The following CACTIN variants were observed in gnomAD, a reference collection of about 807,000 sequenced individuals.
CACTIN encodes the protein cactin, spliceosome C complex subunit, also known as splicing factor Cactin.
CACTIN carries 20 observed loss-of-function variants against 84.9 expected under a neutral mutation model. That is an observed-to-expected ratio of 0.24 (90% CI 0.17 to 0.34). CACTIN has a LOEUF of 0.34. Ranked by LOEUF, CACTIN falls within the 10% of genes least tolerant of loss-of-function variation. The pLI, the probability that CACTIN is intolerant of heterozygous loss-of-function variation, is 1.00. For missense variants in CACTIN, 897 were observed against 1,117.2 expected, an observed-to-expected ratio of 0.80 and a Z score of 2.81; for synonymous variants, 549 against 467.9, an observed-to-expected ratio of 1.17 and a Z score of -2.24.
chr19:3,624,616 A>C (rs953300540), intron 1 of CACTIN, among the ~76,000 whole-genome samples: 1 of 151,548 alleles, frequency 6.6e-6, no homozygotes, highest in Non-Finnish European at 1.5e-5. Flanking sequence ...GCTGAGACAG[A>C]GTGTGGGGGA....
intron 2 of CACTIN, among the ~76,000 whole-genome samples, chr19:3,622,010 CTG>C (rs2033234389): frequency 1.3e-5 from 2 of 152,190 alleles, no homozygotes; most frequent in Admixed American, 1.3e-4. Context: ...TTCAGATGAG[CTG>C]TGTCCCCCAC....
At chr19:3,614,246 G>T in intron 7 of CACTIN, 151 bp downstream of exon 7, 1 of 822,154 alleles carries the variant, frequency 1.2e-6, no homozygotes, top group Non-Finnish European at 1.9e-6. Context: ...GTCACTCACA[G>T]GCTGGCCCCG....
intron 6 of CACTIN, among the ~76,000 whole-genome samples, chr19:3,618,358 T>C (rs758830691): frequency 1.1e-4 from 17 of 152,038 alleles, no homozygotes; most frequent in Admixed American, 3.3e-4. Flanking sequence ...CCAGCCCGCA[T>C]GTCCGCAGTG....
chr19:3,621,308 C>T (rs868747133), intron 2 of CACTIN, among the ~76,000 whole-genome samples: 40 of 152,202 alleles, frequency 2.6e-4, no homozygotes, highest in African/African-American at 8.7e-4. Flanking sequence ...GCCCACACAG[C>T]GGGGCACAGG....
chr19:3,617,318 A>C (rs1262586848), intron 6 of CACTIN, among the ~76,000 whole-genome samples: 1 of 152,244 alleles, frequency 6.6e-6, no homozygotes, highest in East Asian at 1.9e-4. Flanking sequence ...AATTAATTTA[A>C]GAAGATCCAG....
At chr19:3,612,437 CGGGCCTCGGCCTCCCCCT>C (rs757471539) in intron 9 of CACTIN, 24 bp from the exon 10 acceptor site, 9 of 1,553,128 alleles carry the variant, frequency 5.8e-6, no homozygotes, top group Non-Finnish European at 7.8e-6. Flanking sequence ...GGCGTTCACC[CGGGCCTCGGCCTCCCCCT>C]GGGTCCTGGC....
chr19:3,611,222 T>C lies in CACTIN; in HGVS notation c.*701A>G. The C allele has an allele frequency of 2.3e-6, 1 of 437,860 alleles. No homozygotes were observed. Among genetic ancestry groups the C allele is most frequent in the South Asian group, 1.6e-5 (1 of 62,340 alleles). The allele number at this position is 437,860 out of a possible 1,614,324, so 27.1% of individuals were successfully genotyped here. ...CAGAGACAGGGACCTCGACGCATCC[T>C]CCATACCCGCTGCGGGGAAATGGAC... On this transcript the variant is annotated 3_prime_UTR_variant, in exon 10 of 10. Transcript: ENST00000429344.
intron 1 of CACTIN, 60 bp downstream of exon 1, chr19:3,626,536 C>T (rs1393965568): frequency 3.1e-6 from 4 of 1,303,460 alleles, no homozygotes; most frequent in Non-Finnish European, 3.9e-6. Flanking sequence ...CTCCAACCCT[C>T]GGTCGGGCGC....
intron 2 of CACTIN, among the ~76,000 whole-genome samples, chr19:3,621,474 C>T (rs894051277): frequency 1.3e-5 from 2 of 152,222 alleles, no homozygotes; most frequent in Non-Finnish European, 2.9e-5. Context: ...GAACCCCTGC[C>T]GCCCAGAACT....
At chr19:3,612,486 C>T (rs1266470231) in intron 9 of CACTIN, 73 bp from the exon 10 acceptor site, 50 of 1,477,362 alleles carry the variant, frequency 3.4e-5, no homozygotes, top group Non-Finnish European at 4.5e-5. Context: ...GCCTCTCTGG[C>T]AGGGGCGGCC....
chr19:3,612,063 C>T lies in CACTIN; in HGVS notation c.2137G>A (p.Gly713Arg). 4 of 1,613,892 alleles carry T rather than the reference C, an allele frequency of 2.5e-6. No individual in the cohort carries two copies. The highest frequency in any genetic ancestry group is 3.4e-6 in the Non-Finnish European group (4 of 1,179,906). The part of the protein sequence containing the change: ...KDFAILRFHA[G>R]PPYEDIAFKI... ...AAAGCGATGTCCTCGTAGGGCGGCCCCGCGTGGAAGCGCAGGATGGCGAAA... is the reference window on the plus strand; with the variant it reads ...AAAGCGATGTCCTCGTAGGGCGGCCTCGCGTGGAAGCGCAGGATGGCGAAA... The change falls in exon 10 of 10, where the codon GGG (glycine) becomes AGG (arginine). Residue 713 changes from glycine to arginine, a missense_variant. By Grantham distance (125) the Gly-to-Arg change is moderately radical. Transcript: ENST00000429344.
At position 3,620,770 on chromosome 19, in the gene CACTIN, C is replaced by G; in HGVS notation, c.675G>C (p.Glu225Asp). The change falls in exon 3 of 10, where the codon GAG (glutamate) becomes GAC (aspartate). Residue 225 changes from glutamate to aspartate, a missense_variant. By Grantham distance (45) the Glu-to-Asp change is conservative. Around this residue, in one of 8 missense-constraint regions of CACTIN, gnomAD observed 304 missense variants for 444.3 expected, o/e 0.68. Transcript: ENST00000429344. Reference sequence around the variant, plus strand: ...TGTTCCGCTCCTTCAGCTCCTTCTCCTCCAGGTGGCTGATCCCCTTCTTCT... The same window carrying G: ...TGTTCCGCTCCTTCAGCTCCTTCTCGTCCAGGTGGCTGATCCCCTTCTTCT... ...ALEKKGISHL[E>D]EKELKERNKR... is the part of the protein sequence containing the mutation. 1 of 1,613,574 alleles carries G rather than the reference C, an allele frequency of 6.2e-7. No homozygotes were observed.
intron 1 of CACTIN, 58 bp from the exon 2 acceptor site, chr19:3,624,220 A>G: frequency 7.0e-7 from 1 of 1,432,224 alleles, no homozygotes; most frequent in Non-Finnish European, 9.4e-7. Flanking sequence ...TGCTCCACAG[A>G]TGCTTACTGG....
chr19:3,621,166 G>A (rs146474363), intron 2 of CACTIN: 80 of 394,310 alleles, frequency 2.0e-4, no homozygotes, highest in African/African-American at 1.4e-3. Flanking sequence ...TTACCCGGGA[G>A]TCTGAGTGCT....
chr19:3,615,667 A>C lies in CACTIN; in HGVS notation c.1163-1078T>G, dbSNP rs904951031. On this transcript the variant is annotated intron_variant, in intron 6 of 9. Coordinates refer to ENST00000429344, the MANE Select transcript of CACTIN (RefSeq NM_001080543.2). This position sits in a 1 kb window ranked among gnomAD's most constrained non-coding sequence, Gnocchi z 5.2. The stretch of plus-strand genomic sequence containing the variant: ...GCTGGGCCCACAGGGAGCTTGGTGC[A>C]TAGCTGCTGGTGACACACTGGGCGG... 1.3e-5 allele frequency: 2 copies of C among 152,216 alleles called. No individual in the cohort carries two copies. The highest frequency in any genetic ancestry group is 2.9e-5 in the Non-Finnish European group (2 of 68,112). The allele number at this position is 152,216 out of a possible 1,614,324, so 9.4% of individuals were successfully genotyped here.
In CACTIN at chr19:3,613,484, C is replaced by T. The variant is rs371177758; in HGVS notation, c.1458G>A (p.Glu486=). The change falls in exon 8 of 10, where the codon GAG becomes GAA. Residue 486 remains glutamate (E), a synonymous_variant. Coordinates refer to ENST00000429344, the MANE Select transcript of CACTIN (RefSeq NM_001080543.2). ...CCTACCTGCGGCTGGGGGACTGGGG[C>T]TCCTGCTTGAGGATGGGGAACAGCG... is the stretch of plus-strand genomic sequence containing the variant. The part of the protein sequence containing the change: ...SEPLFPILKQ[E]PQSPSRSLEP... The T allele has an allele frequency of 1.3e-6, 2 of 1,581,794 alleles. No homozygotes were observed. Among genetic ancestry groups the T allele is most frequent in the Admixed American group, 1.8e-5 (1 of 56,214 alleles).
rs1191612364 is a variant in CACTIN at position 3,613,468 on chromosome 19, G to A, written c.1474C>T (p.Arg492Cys). Residue 492 changes from arginine to cysteine, a missense_variant, in exon 8 of 10, where the codon CGC becomes TGC. Transcript: ENST00000429344. ...CGGGGTGCCGGCCGGGCCTACCTGC[G>A]GCTGGGGGACTGGGGCTCCTGCTTG... ...ILKQEPQSPS[R>C]SLEPEDAAPT... 9 of 1,577,946 alleles carry A rather than the reference G, an allele frequency of 5.7e-6. No homozygotes were observed. Among genetic ancestry groups the A allele is most frequent in the East Asian group, 2.3e-5 (1 of 43,446 alleles).
chr19:3,618,753 G>GC, intron 6 of CACTIN, 122 bp downstream of exon 6: 1 of 769,084 alleles, frequency 1.3e-6, no homozygotes, highest in East Asian at 2.7e-5. Context: ...AGAAGGGGAG[G>GC]CCCCAGTTGG....
chr19:3,625,429 T>C (rs547915502), intron 1 of CACTIN, among the ~76,000 whole-genome samples: 1 of 152,182 alleles, frequency 6.6e-6, no homozygotes, highest in Admixed American at 6.5e-5. Flanking sequence ...AACACAAAGA[T>C]GACATTAACA....
Sources: gnomAD v4.1 joint callset for allele counts (sites outside exome capture counted in the v4.1 genomes callset) on GRCh38, gnomAD v4.1.1 for gene constraint, gnomAD v4.1.1 regional missense constraint, Gnocchi (gnomAD v3.1) non-coding constraint, MANE v1.5 for transcripts, NCBI Gene and HGNC (gene_info 2026-07-23, HGNC 2026-07-21) for gene names.